The following FAM83D variants were observed in gnomAD, a reference collection of about 807,000 sequenced individuals.
FAM83D encodes scaffolding CK1 anchoring protein D, also known as protein FAM83D.
FAM83D carries 26 observed loss-of-function variants against 25.4 expected under a neutral mutation model. The observed-to-expected ratio is 1.02, with a 90% CI of 0.75 to 1.42. The LOEUF (loss-of-function observed/expected upper bound fraction) is 1.42, where lower values mean the gene tolerates loss of function less well. FAM83D is among the 40% of genes most tolerant of loss of function. FAM83D has a pLI of 0.00. For missense variants in FAM83D, 740 were observed against 758.1 expected (o/e 0.98, Z 0.28); for synonymous variants, 310 against 318.5 (o/e 0.97, Z 0.28).
intron 1 of FAM83D, 102 bp from the exon 2 acceptor site, chr20:38,941,857 G>T (rs1159981055): frequency 8.8e-7 from 1 of 1,133,632 alleles, no homozygotes; most frequent in Non-Finnish European, 1.3e-6. Context: ...CTGTTGGATA[G>T]GGATCATTTC....
chr20:38,935,085 G>T (rs956884280), intron 1 of FAM83D, among the ~76,000 whole-genome samples: 1 of 152,014 alleles, frequency 6.6e-6, no homozygotes, highest in Admixed American at 6.6e-5. Flanking sequence ...AAAAATGGAA[G>T]AATATACAAA....
intron 1 of FAM83D, among the ~76,000 whole-genome samples, chr20:38,936,754 A>C (rs1049168321): frequency 1.3e-5 from 2 of 152,064 alleles, no homozygotes; most frequent in Admixed American, 1.3e-4. Context: ...CTCATCTATA[A>C]ATTGGGGATG....
chr20:38,934,350 G>T (rs2085669941), intron 1 of FAM83D, among the ~76,000 whole-genome samples: 1 of 152,084 alleles, frequency 6.6e-6, no homozygotes, highest in African/African-American at 2.4e-5. Flanking sequence ...AAAATTAGCT[G>T]GTTGTGGTGG....
intron 3 of FAM83D, among the ~76,000 whole-genome samples, chr20:38,949,984 A>G (rs555018968): frequency 6.6e-6 from 1 of 152,228 alleles, no homozygotes; most frequent in South Asian, 2.1e-4. Context: ...ACGCCCAGCT[A>G]ACTTTTTTTT....
At chr20:38,946,197 CAAAAAAA>C (rs56740383) in intron 2 of FAM83D, among the ~76,000 whole-genome samples, 2 of 78,558 alleles carry the variant, frequency 2.5e-5, no homozygotes, top group Admixed American at 1.6e-4. Context: ...GACTCCACCT[CAAAAAAA>C]AAAAAAAAAA....
At position 38,926,542 on chromosome 20, in the gene FAM83D, C is replaced by T. The variant is rs1174739797; in HGVS notation, c.100C>T (p.Leu34=). The T allele has an allele frequency of 2.5e-6, 4 of 1,584,578 alleles. No individual in the cohort carries two copies. Among genetic ancestry groups the T allele is most frequent in the East Asian group, 2.3e-5 (1 of 43,838 alleles). ...PTELFSESRR[L]ALEELVAGGP... is the part of the protein sequence containing the mutation. The stretch of plus-strand genomic sequence containing the variant: ...CGAGCTGTTCAGCGAGTCACGGCGC[C>T]TGGCTCTGGAGGAGCTGGTGGCGGG... Residue 34 remains leucine, a synonymous_variant, in exon 1 of 4, where the codon CTG becomes TTG. Coordinates refer to ENST00000619850, the MANE Select transcript of FAM83D (RefSeq NM_030919.3).
chr20:38,945,859 T>C (rs2085725570), intron 2 of FAM83D, among the ~76,000 whole-genome samples: 1 of 150,348 alleles, frequency 6.7e-6, no homozygotes, highest in African/African-American at 2.4e-5. Context: ...GCCTCCCAAG[T>C]AGCTGGAACG....
chr20:38,936,331 G>T (rs932955794), intron 1 of FAM83D, among the ~76,000 whole-genome samples: 2 of 152,120 alleles, frequency 1.3e-5, no homozygotes, highest in African/African-American at 4.8e-5. Flanking sequence ...CACTGACTTC[G>T]CAGAGCTGGA....
chr20:38,939,773 T>G (rs994169193), intron 1 of FAM83D, among the ~76,000 whole-genome samples: 1 of 152,242 alleles, frequency 6.6e-6, no homozygotes, highest in African/African-American at 2.4e-5. Flanking sequence ...TAGTGCAGTG[T>G]GCAGCCCACA....
intron 2 of FAM83D, among the ~76,000 whole-genome samples, chr20:38,944,437 G>A (rs537568944): frequency 6.6e-6 from 1 of 152,284 alleles, no homozygotes; most frequent in Non-Finnish European, 1.5e-5. Context: ...GAAATGGAAG[G>A]TATCAGTGTT....
rs41276984 is a variant in FAM83D, at chr20:38,952,027, C to G, written c.1265C>G (p.Thr422Ser). Residue 422 changes from threonine to serine, a missense_variant, in exon 4 of 4, where the codon ACT becomes AGT. Around this residue, in one of 3 missense-constraint regions of FAM83D, gnomAD observed 375 missense variants for 403.2 expected, o/e 0.93. Transcript: ENST00000619850. Reference protein sequence around the residue: ...SITTACAGTQTAVITRIASSQ... With the variant: ...SITTACAGTQSAVITRIASSQ... ...ACCACAGCATGTGCTGGTACCCAGA[C>G]TGCAGTCATCACCAGGATAGCAAGC... is the stretch of plus-strand genomic sequence containing the variant. The G allele has an allele frequency of 0.018, 28,542 of 1,614,230 alleles. 331 individuals carry two copies. Among genetic ancestry groups the G allele is most frequent in the Non-Finnish European group, 0.021 (25,089 of 1,180,028 alleles).
At chr20:38,946,219 A>C (rs959187458) in intron 2 of FAM83D, among the ~76,000 whole-genome samples, 5 of 146,126 alleles carry the variant, frequency 3.4e-5, no homozygotes, top group Admixed American at 6.9e-5. Context: ...AAAAAAAAAA[A>C]ACAATTTTTT....
intron 1 of FAM83D, among the ~76,000 whole-genome samples, chr20:38,932,108 A>T (rs76737563): frequency 3.3e-4 from 51 of 152,354 alleles, no homozygotes; most frequent in Non-Finnish European, 6.2e-4. Context: ...TGGTTTGGCC[A>T]TGCGCGGTGG....
intron 1 of FAM83D, among the ~76,000 whole-genome samples, chr20:38,928,974 C>T (rs563711107): frequency 1.3e-5 from 2 of 151,948 alleles, no homozygotes; most frequent in South Asian, 4.2e-4. Flanking sequence ...GTCAGGAGTT[C>T]GAGACCAGCC....
At chr20:38,941,228 G>C (rs1297861775) in intron 1 of FAM83D, among the ~76,000 whole-genome samples, 1 of 152,228 alleles carries the variant, frequency 6.6e-6, no homozygotes, top group Non-Finnish European at 1.5e-5. Flanking sequence ...AGAGGCCAGT[G>C]CAGTGGAAGT....
At chr20:38,935,684 G>T (rs2085675892) in intron 1 of FAM83D, among the ~76,000 whole-genome samples, 1 of 152,182 alleles carries the variant, frequency 6.6e-6, no homozygotes, top group South Asian at 2.1e-4. Context: ...GGCCTCAAGT[G>T]ATCCTCCCAC....
rs2085758933 is a variant in FAM83D, at chr20:38,952,202, T to G, written c.1440T>G (p.Ser480=). The change falls in exon 4 of 4, where the codon TCT becomes TCG. Residue 480 remains serine (S), a synonymous_variant. Transcript: ENST00000619850. ...SRSSSLKSSS[S]VSSQGSVASS... ...CTTCCAGTTTGAAGTCTTCCTCCTC[T>G]GTGTCTTCCCAAGGCTCTGTGGCAA... 1 of 1,614,176 alleles carries G rather than the reference T, an allele frequency of 6.2e-7. No homozygotes were observed. Among genetic ancestry groups the G allele is most frequent in the East Asian group, 2.2e-5 (1 of 44,886 alleles).
At chr20:38,928,890 G>T (rs1385236310) in intron 1 of FAM83D, among the ~76,000 whole-genome samples, 1 of 152,160 alleles carries the variant, frequency 6.6e-6, no homozygotes, top group African/African-American at 2.4e-5. Context: ...TAAATCCAAT[G>T]AGTATTGGCT....
At chr20:38,941,176 G>A (rs1401731797) in intron 1 of FAM83D, among the ~76,000 whole-genome samples, 2 of 152,202 alleles carry the variant, frequency 1.3e-5, no homozygotes, top group Non-Finnish European at 2.9e-5. Flanking sequence ...CTTGCACTAT[G>A]GACGGATACC....
Sources: gnomAD v4.1 joint callset for allele counts (sites outside exome capture counted in the v4.1 genomes callset) on GRCh38, gnomAD v4.1.1 for gene constraint, gnomAD v4.1.1 regional missense constraint, MANE v1.5 for transcripts, NCBI Gene and HGNC (gene_info 2026-07-23, HGNC 2026-07-21) for gene names.